The following NKAIN3 variants were observed in gnomAD, a reference collection of about 807,000 sequenced individuals.
The protein encoded by NKAIN3 is sodium/potassium transporting ATPase interacting 3.
Under a neutral mutation model 30.2 loss-of-function variants are expected in NKAIN3, and 25 were observed. The ratio of observed to expected loss-of-function variants is 0.83; its 90% CI spans 0.60 to 1.16. The LOEUF (loss-of-function observed/expected upper bound fraction) is 1.16. Ranked by LOEUF, NKAIN3 falls within the 50% of genes most tolerant of loss-of-function variation. NKAIN3 has a pLI of 0.00. For missense variants in NKAIN3, 225 were observed against 254.1 expected (o/e 0.89, Z 0.78); for synonymous variants, 91 against 89.6 (o/e 1.02, Z -0.09).
chr8:62,556,331 T>C (rs909500126), intron 1 of NKAIN3, among the ~76,000 whole-genome samples: 29 of 151,554 alleles, frequency 1.9e-4, no homozygotes, highest in African/African-American at 6.8e-4. Context: ...CTAAAAACAG[T>C]AAATAACTCA....
intron 4 of NKAIN3, among the ~76,000 whole-genome samples, chr8:62,859,662 C>T (rs1820182660): frequency 6.6e-6 from 1 of 151,758 alleles, no homozygotes. Flanking sequence ...ATAATGAGCT[C>T]TTATGTTGCT....
At chr8:62,928,024 A>G (rs1300226544) in intron 5 of NKAIN3, among the ~76,000 whole-genome samples, 2 of 152,188 alleles carry the variant, frequency 1.3e-5, no homozygotes, top group Non-Finnish European at 2.9e-5. Flanking sequence ...GCATATATGG[A>G]ACACTCATCT....
At chr8:62,763,197 G>A (rs1211818693) in intron 4 of NKAIN3, among the ~76,000 whole-genome samples, 1 of 120,644 alleles carries the variant, frequency 8.3e-6, no homozygotes, top group Non-Finnish European at 1.6e-5. Flanking sequence ...CTCCAGCCTG[G>A]GCAACAAGTG....
intron 1 of NKAIN3, among the ~76,000 whole-genome samples, chr8:62,334,437 T>C (rs1815464477): frequency 6.6e-6 from 1 of 152,056 alleles, no homozygotes; most frequent in Non-Finnish European, 1.5e-5. Flanking sequence ...CTTCCCACAC[T>C]ATATAAGGAC....
chr8:62,632,751 C>A lies in NKAIN3; in HGVS notation c.273+42957C>A, dbSNP rs143700689. Among the ~76,000 whole-genome samples the A allele has an allele frequency of 2.5e-3, 387 of 152,208 alleles. 6 individuals carry two copies. The East Asian group carries it at 0.045, about 18-fold the overall frequency. On this transcript the variant is annotated intron_variant, in intron 3 of 6. Transcript: ENST00000623646. ...CTCCTGACCTCAGGTGATCCACCCC[C>A]CTCGGCCTCCCAAAGTGCTAGGATG...
chr8:62,361,327 A>G (rs1427562872), intron 1 of NKAIN3, among the ~76,000 whole-genome samples: 1 of 152,174 alleles, frequency 6.6e-6, no homozygotes, highest in East Asian at 1.9e-4. Flanking sequence ...TTTGAAGTTT[A>G]TATTTGAAGT....
At chr8:62,821,172 T>A (rs912658985) in intron 4 of NKAIN3, among the ~76,000 whole-genome samples, 9 of 152,088 alleles carry the variant, frequency 5.9e-5, no homozygotes, top group African/African-American at 2.2e-4. Flanking sequence ...AGTAAATGTT[T>A]CCTTTTATTT....
At chr8:62,623,177 G>A (rs1811673258) in intron 3 of NKAIN3, among the ~76,000 whole-genome samples, 1 of 152,030 alleles carries the variant, frequency 6.6e-6, no homozygotes, top group African/African-American at 2.4e-5. Flanking sequence ...TCTTTGGTGA[G>A]TTCTCCAAAG....
At chr8:62,861,725 A>G (rs1820245592) in intron 4 of NKAIN3, among the ~76,000 whole-genome samples, 2 of 152,226 alleles carry the variant, frequency 1.3e-5, no homozygotes, top group South Asian at 4.1e-4. Flanking sequence ...GGAGAATTTA[A>G]TGAAAGAAAT....
chr8:62,657,783 C>A (rs1290377333), intron 3 of NKAIN3, among the ~76,000 whole-genome samples: 1 of 152,172 alleles, frequency 6.6e-6, no homozygotes. Context: ...AATAGGAACT[C>A]TGAAGTCTAT....
At chr8:62,865,641 G>T (rs1820394055) in intron 4 of NKAIN3, among the ~76,000 whole-genome samples, 1 of 152,054 alleles carries the variant, frequency 6.6e-6, no homozygotes, top group Non-Finnish European at 1.5e-5. Context: ...CAGGGTTTGT[G>T]ACTATCTATT....
At chr8:62,636,862 A>C (rs1298880321) in intron 3 of NKAIN3, among the ~76,000 whole-genome samples, 1 of 152,198 alleles carries the variant, frequency 6.6e-6, no homozygotes, top group Non-Finnish European at 1.5e-5. Flanking sequence ...TGATATTTGA[A>C]AATGCCTAAT....
intron 4 of NKAIN3, among the ~76,000 whole-genome samples, chr8:62,798,576 A>C (rs528590585): frequency 5.1e-4 from 76 of 148,458 alleles, no homozygotes; most frequent in South Asian, 1.3e-3. Flanking sequence ...CGTCCCCCCC[A>C]AAAAAAAAAC....
chr8:62,810,180 C>T (rs143748601), intron 4 of NKAIN3, among the ~76,000 whole-genome samples: 4 of 152,060 alleles, frequency 2.6e-5, no homozygotes, highest in South Asian at 2.1e-4. Context: ...CTTAGCTGCA[C>T]GTTGAGAAAT....
intron 3 of NKAIN3, among the ~76,000 whole-genome samples, chr8:62,729,414 A>G (rs1241049502): frequency 6.6e-6 from 1 of 152,198 alleles, no homozygotes; most frequent in Non-Finnish European, 1.5e-5. Flanking sequence ...CTAATTCAAT[A>G]CTGGGTGTAA....
chr8:62,836,699 A>C (rs900133005), intron 4 of NKAIN3, among the ~76,000 whole-genome samples: 21 of 152,088 alleles, frequency 1.4e-4, no homozygotes, highest in Non-Finnish European at 2.5e-4. Flanking sequence ...AGCTGAGTGG[A>C]GGGCTTCTCA....
At chr8:62,502,150 A>G (rs2129685328) in intron 1 of NKAIN3, among the ~76,000 whole-genome samples, 1 of 151,462 alleles carries the variant, frequency 6.6e-6, no homozygotes, top group African/African-American at 2.4e-5. Context: ...TTTCTCATAA[A>G]TTCATTCCTC....
chr8:62,864,246 G>C (rs751112978), intron 4 of NKAIN3: 1 of 825,070 alleles, frequency 1.2e-6, no homozygotes, highest in Non-Finnish European at 2.0e-6. Context: ...AGGATTAGAG[G>C]AGGCGGCCGA....
chr8:62,857,666 A>C (rs1045050726), intron 4 of NKAIN3, among the ~76,000 whole-genome samples: 7 of 152,120 alleles, frequency 4.6e-5, no homozygotes, highest in African/African-American at 7.2e-5. Context: ...TTGCATTGTG[A>C]AGTTCTTATA....
Sources: gnomAD v4.1 joint callset for allele counts (sites outside exome capture counted in the v4.1 genomes callset) on GRCh38, gnomAD v4.1.1 for gene constraint, MANE v1.5 for transcripts, NCBI Gene and HGNC (gene_info 2026-07-23, HGNC 2026-07-21) for gene names.